The following RASSF8 variants were observed in gnomAD, a reference collection of about 807,000 sequenced individuals.
The protein encoded by RASSF8 is Ras association domain family member 8.
RASSF8 carries 22 observed loss-of-function variants against 48.5 expected under a neutral mutation model. That is an observed-to-expected ratio of 0.45 (90% CI 0.32 to 0.65). The LOEUF is 0.65. Among genes scored for constraint, RASSF8 ranks in the 30% least tolerant of loss-of-function variants. RASSF8 has a pLI of 0.03. For missense variants in RASSF8, 418 were observed against 489.2 expected (o/e 0.85, Z 1.37); for synonymous variants, 127 against 171.5 (o/e 0.74, Z 2.03).
chr12:26,040,760 C>G (rs542135439), intron 2 of RASSF8, among the ~76,000 whole-genome samples: 2 of 152,104 alleles, frequency 1.3e-5, no homozygotes, highest in African/African-American at 4.8e-5. Context: ...GTGGCTTTTT[C>G]CTGTTTTCTG....
At chr12:26,040,243 T>C (rs1943234983) in intron 2 of RASSF8, among the ~76,000 whole-genome samples, 1 of 152,358 alleles carries the variant, frequency 6.6e-6, no homozygotes, top group Middle Eastern at 3.4e-3. Flanking sequence ...GTGTGATAGC[T>C]AAACGCAAAT....
intron 1 of RASSF8, among the ~76,000 whole-genome samples, chr12:25,984,636 C>T (rs1040662802): frequency 6.6e-6 from 1 of 152,190 alleles, no homozygotes; most frequent in Non-Finnish European, 1.5e-5. Flanking sequence ...CCACTGCACC[C>T]AGCCTAAACT....
At chr12:26,007,402 A>C (rs1942418129) in intron 2 of RASSF8, among the ~76,000 whole-genome samples, 1 of 152,202 alleles carries the variant, frequency 6.6e-6, no homozygotes, top group South Asian at 2.1e-4. Flanking sequence ...CAGACCTGGC[A>C]TTACCTAGAC....
intron 2 of RASSF8, among the ~76,000 whole-genome samples, chr12:26,042,012 G>A (rs1943275738): frequency 1.3e-5 from 2 of 152,166 alleles, no homozygotes; most frequent in South Asian, 4.1e-4. Context: ...GATTGTAAAT[G>A]TTTTGGACTT....
intron 2 of RASSF8, among the ~76,000 whole-genome samples, chr12:26,047,870 C>T (rs894657028): frequency 1.3e-5 from 2 of 152,162 alleles, no homozygotes; most frequent in Non-Finnish European, 2.9e-5. Flanking sequence ...GTACACAGCA[C>T]GCCTGGAGGC....
At chr12:26,031,961 C>T (rs890411100) in intron 2 of RASSF8, among the ~76,000 whole-genome samples, 8 of 152,058 alleles carry the variant, frequency 5.3e-5, no homozygotes, top group African/African-American at 1.7e-4. Context: ...TGATGAAATA[C>T]ATGTTTTGGT....
At chr12:25,966,349 A>G (rs551357115) in intron 1 of RASSF8, among the ~76,000 whole-genome samples, 2 of 152,250 alleles carry the variant, frequency 1.3e-5, no homozygotes, top group South Asian at 2.1e-4. Context: ...GACCACACAC[A>G]TGTGCCACCA....
intron 1 of RASSF8, among the ~76,000 whole-genome samples, chr12:25,992,454 T>C (rs1440594725): frequency 2.0e-5 from 3 of 152,218 alleles, no homozygotes; most frequent in Admixed American, 2.0e-4. Flanking sequence ...GAGAATTCGA[T>C]GAACAGTACC....
intron 1 of RASSF8, among the ~76,000 whole-genome samples, chr12:25,962,877 G>A (rs2136820221): frequency 6.6e-6 from 1 of 152,230 alleles, no homozygotes; most frequent in South Asian, 2.1e-4. Context: ...ATGCATGTAG[G>A]TTCTGTGAAA....
At chr12:25,996,420 G>A (rs1425058580) in intron 2 of RASSF8, among the ~76,000 whole-genome samples, 2 of 152,140 alleles carry the variant, frequency 1.3e-5, no homozygotes, top group Non-Finnish European at 2.9e-5. Context: ...TTATTAAGGA[G>A]GATCTATGTG....
At chr12:26,009,493 A>G (rs1192176162) in intron 2 of RASSF8, among the ~76,000 whole-genome samples, 3 of 152,196 alleles carry the variant, frequency 2.0e-5, no homozygotes, top group African/African-American at 4.8e-5. Flanking sequence ...TGTCCCACAT[A>G]ACAACTTCCA....
At chr12:25,976,235 G>A (rs1453243531) in intron 1 of RASSF8, among the ~76,000 whole-genome samples, 4 of 152,188 alleles carry the variant, frequency 2.6e-5, no homozygotes, top group Admixed American at 2.0e-4. Context: ...CTCCGCTTAA[G>A]GAACAAGAGG....
At position 26,013,160 on chromosome 12, in the gene RASSF8, A is replaced by G. The variant is rs566148040; in HGVS notation, c.-109+18030A>G. Among the ~76,000 whole-genome samples, 9 of 152,336 alleles carry G rather than the reference A, an allele frequency of 5.9e-5. No homozygotes were observed. The South Asian group carries it at 6.2e-4, about 11-fold the overall frequency. ...TTATTGGCAGTCCTGCCCAATAACA[A>G]TAAAAAGGCCTGTATTCTCGCTGTG... On this transcript the variant is annotated intron_variant, in intron 2 of 5. Coordinates refer to ENST00000689635, the MANE Select transcript of RASSF8 (RefSeq NM_001394098.1).
chr12:26,035,401 T>C (rs1943112766), intron 2 of RASSF8, among the ~76,000 whole-genome samples: 1 of 138,330 alleles, frequency 7.2e-6, no homozygotes, highest in Non-Finnish European at 1.6e-5. Flanking sequence ...TTATATGAAA[T>C]TATATAATTA....
chr12:26,023,830 T>C (rs75920785), intron 2 of RASSF8, among the ~76,000 whole-genome samples: 9,820 of 152,274 alleles, frequency 0.064, 359 homozygotes, highest in Middle Eastern at 0.13. Context: ...AGATGTAATA[T>C]ATTTCATAAC....
At chr12:25,978,171 A>G (rs745634933) in intron 1 of RASSF8, among the ~76,000 whole-genome samples, 1 of 152,232 alleles carries the variant, frequency 6.6e-6, no homozygotes, top group Non-Finnish European at 1.5e-5. Context: ...AAAACCATAC[A>G]GTACATTCTA....
At chr12:26,036,922 A>G (rs1222335012) in intron 2 of RASSF8, among the ~76,000 whole-genome samples, 7 of 147,456 alleles carry the variant, frequency 4.7e-5, no homozygotes, top group Non-Finnish European at 7.5e-5. Context: ...TCACAAAAAA[A>G]TAAAAAAAAA....
chr12:26,019,681 AT>A lies in RASSF8; in HGVS notation c.-109+24554del, dbSNP rs1401652430. ...TTAAAAGGATTCCTGGTTGTAGAAG[AT>A]TTATCACTTTGCAGAAGGGTACCAT... On this transcript the variant is annotated intron_variant, in intron 2 of 5. Transcript: ENST00000689635. 3.3e-5 allele frequency among the ~76,000 whole-genome samples: 5 copies of A among 152,064 alleles called. No individual in the cohort carries two copies. In the East Asian group the frequency reaches 9.6e-4, roughly 29 times the overall value.
chr12:26,076,414 C>T (rs1413719235), downstream of RASSF8, among the ~76,000 whole-genome samples: 5 of 152,174 alleles, frequency 3.3e-5, no homozygotes, highest in Admixed American at 3.3e-4. Context: ...ATCCCTCCCC[C>T]AGCTCCCCAC....
Sources: gnomAD v4.1 joint callset for allele counts (sites outside exome capture counted in the v4.1 genomes callset) on GRCh38, gnomAD v4.1.1 for gene constraint, MANE v1.5 for transcripts, NCBI Gene and HGNC (gene_info 2026-07-23, HGNC 2026-07-21) for gene names.